ATIC: variants seen among roughly 807,000 people sequenced by gnomAD.
ATIC encodes 5-aminoimidazole-4-carboxamide ribonucleotide formyltransferase/IMP cyclohydrolase.
In ATIC, 64 loss-of-function variants were observed where a neutral mutation model predicts 72.5. That is an observed-to-expected ratio of 0.88 (90% CI 0.72 to 1.09). ATIC has a LOEUF of 1.09. ATIC is among the 50% of genes least tolerant of loss of function. ATIC has a pLI of 0.00. For synonymous variants in ATIC, 281 were observed against 267.1 expected (o/e 1.05, Z -0.51); for missense variants, 787 against 732.4 (o/e 1.07, Z -0.86).
chr2:215,367,925 C>A, the ATIC span: 1 of 1,614,054 alleles, frequency 6.2e-7, no homozygotes, highest in South Asian at 1.1e-5. Flanking sequence ...CAGTTTAAAG[C>A]CTGATTCAGA....
chr2:215,366,515 A>C, the ATIC span, among the ~76,000 whole-genome samples: 1 of 152,238 alleles, frequency 6.6e-6, no homozygotes, highest in East Asian at 1.9e-4. Flanking sequence ...TCCACATCAA[A>C]TAAGTCTGGT....
intron 6 of ATIC, 76 bp from the exon 7 acceptor site, chr2:215,326,746 T>C (rs2052830925): frequency 1.3e-6 from 2 of 1,561,182 alleles, no homozygotes; most frequent in Middle Eastern, 2.3e-4. Context: ...TGTTGTTTGC[T>C]GTGGACGTAG....
At chr2:215,340,542 C>T (rs76869849) in intron 12 of ATIC, among the ~76,000 whole-genome samples, 3,090 of 152,152 alleles carry the variant, frequency 0.02, 39 homozygotes, top group Non-Finnish European at 0.026. Context: ...AAAACTGTAG[C>T]GATATTTTGA....
At position 215,336,492 on chromosome 2, in the gene ATIC, C is replaced by G. The variant is rs540151215; in HGVS notation, c.1098+368C>G. Reference sequence around the variant, plus strand: ...GTAGTAAGACCATGTCTCTAAAATACTAATAATAGTAACAATATTTAATGG... The same window carrying G: ...GTAGTAAGACCATGTCTCTAAAATAGTAATAATAGTAACAATATTTAATGG... On this transcript the variant is annotated intron_variant, in intron 11 of 15. Coordinates refer to ENST00000236959, the MANE Select transcript of ATIC (RefSeq NM_004044.7). 1.6e-4 allele frequency among the ~76,000 whole-genome samples: 24 copies of G among 152,292 alleles called. No homozygotes were observed. The East Asian group carries it at 4.4e-3, about 28-fold the overall frequency.
At chr2:215,344,906 G>A in intron 13 of ATIC, 35 bp downstream of exon 13, 1 of 1,577,242 alleles carries the variant, frequency 6.3e-7, no homozygotes, top group Non-Finnish European at 8.7e-7. Context: ...TCGGGGGACT[G>A]TTGTTTTACG....
chr2:215,326,769 T>C, intron 6 of ATIC, 53 bp from the exon 7 acceptor site: 1 of 1,609,412 alleles, frequency 6.2e-7, no homozygotes, highest in South Asian at 1.1e-5. Context: ...AACCATCTTG[T>C]CCCCACTTTG....
At chr2:215,332,232 TATC>T in intron 7 of ATIC, 147 bp from the exon 8 acceptor site, 2 of 1,173,306 alleles carry the variant, frequency 1.7e-6, no homozygotes, top group Non-Finnish European at 2.4e-6. Flanking sequence ...CTTTGTTCTT[TATC>T]ATCAAGATTT....
At position 215,319,685 on chromosome 2, in the gene ATIC, C is replaced by G; in HGVS notation, c.244C>G (p.Pro82Ala). Residue 82 changes from proline (P) to alanine (A), a missense_variant, in exon 4 of 16, where the codon CCA (proline) becomes GCA (alanine). By Grantham distance (27) the Pro-to-Ala change is conservative (BLOSUM62 -1). Coordinates refer to ENST00000236959, the MANE Select transcript of ATIC (RefSeq NM_004044.7). The stretch of plus-strand genomic sequence containing the variant: ...ATTAGGAATCCTAGCTCGTAATATT[C>G]CAGAAGATAATGCTGACATGGCCAG... ...VHAGILARNIPEDNADMARLD... is the reference protein window; with the variant it reads ...VHAGILARNIAEDNADMARLD... 6.2e-7 allele frequency: 1 copy of G among 1,611,206 alleles called. No individual in the cohort carries two copies.
chr2:215,325,305 G>A lies in ATIC; in HGVS notation c.355G>A (p.Glu119Lys), dbSNP rs757608964. 8 of 1,613,550 alleles carry A rather than the reference G, an allele frequency of 5.0e-6. No homozygotes were observed. The East Asian group carries it at 1.6e-4, about 31-fold the overall frequency. ...TVASPGVTVEEAVEQIDIGGV... is the reference protein window; with the variant it reads ...TVASPGVTVEKAVEQIDIGGV... Reference sequence around the variant, plus strand: ...GGCTTCTCCAGGTGTAACTGTTGAGGAGGCTGTGGAGCAAATTGACATTGG... The same window carrying A: ...GGCTTCTCCAGGTGTAACTGTTGAGAAGGCTGTGGAGCAAATTGACATTGG... The change falls in exon 5 of 16, where the codon GAG becomes AAG. Residue 119 changes from glutamate (E) to lysine (K), a missense_variant. By Grantham distance (56) the Glu-to-Lys change is moderately conservative (BLOSUM62 1). Coordinates refer to ENST00000236959, the MANE Select transcript of ATIC (RefSeq NM_004044.7).
the ATIC span, chr2:215,363,323 C>T: frequency 6.6e-6 from 1 of 152,264 alleles, no homozygotes; most frequent in Non-Finnish European, 1.5e-5. Flanking sequence ...CAATTTCATA[C>T]CAGAATGACT....
chr2:215,346,577 T>C (rs1345937539), intron 13 of ATIC, among the ~76,000 whole-genome samples, 182 bp from the exon 14 acceptor site: 1 of 152,164 alleles, frequency 6.6e-6, no homozygotes, highest in African/African-American at 2.4e-5. Flanking sequence ...ATAGTAGTTA[T>C]AAACAAACCT....
chr2:215,335,827 T>G (rs1030916178), intron 10 of ATIC, among the ~76,000 whole-genome samples: 6 of 152,192 alleles, frequency 3.9e-5, no homozygotes, highest in Admixed American at 3.3e-4. Flanking sequence ...GAACAAAAAC[T>G]TGGAGAGGAC....
At chr2:215,343,556 G>T (rs2053042128) in intron 12 of ATIC, among the ~76,000 whole-genome samples, 3 of 152,174 alleles carry the variant, frequency 2.0e-5, no homozygotes, top group African/African-American at 7.2e-5. Flanking sequence ...GGCTGGCCTG[G>T]AACTTCTGAC....
the ATIC span, chr2:215,361,852 T>A: frequency 1.4e-6 from 2 of 1,398,296 alleles, no homozygotes; most frequent in African/African-American, 2.9e-5. Flanking sequence ...CTTAAGTCAT[T>A]TATGAGTTGT....
At chr2:215,329,909 G>A (rs1208668175) in intron 7 of ATIC, among the ~76,000 whole-genome samples, 1 of 138,410 alleles carries the variant, frequency 7.2e-6, no homozygotes, top group Non-Finnish European at 1.7e-5. Flanking sequence ...TTACAGGCAT[G>A]TACCACCAGG....
intron 2 of ATIC, among the ~76,000 whole-genome samples, chr2:215,313,501 A>G (rs1015271625): frequency 2.0e-5 from 3 of 152,178 alleles, no homozygotes; most frequent in African/African-American, 4.8e-5. Flanking sequence ...TGAAAGGTAG[A>G]AAAATGAAAA....
the ATIC span, chr2:215,362,974 CT>C: frequency 6.6e-6 from 1 of 152,182 alleles, no homozygotes; most frequent in African/African-American, 2.4e-5. Flanking sequence ...GCCATTTTTG[CT>C]TGAGTTGGAC....
At chr2:215,336,967 A>G (rs1246830689) in intron 11 of ATIC, among the ~76,000 whole-genome samples, 1 of 152,186 alleles carries the variant, frequency 6.6e-6, no homozygotes, top group Non-Finnish European at 1.5e-5. Flanking sequence ...TGGCATCTCA[A>G]TGTAGTTTTA....
At chr2:215,337,425 G>A (rs2052968336) in intron 11 of ATIC, among the ~76,000 whole-genome samples, 1 of 152,104 alleles carries the variant, frequency 6.6e-6, no homozygotes, top group Non-Finnish European at 1.5e-5. Context: ...AGAGTGCAGT[G>A]GTGTGATCTT....
Sources: gnomAD v4.1 joint callset for allele counts (sites outside exome capture counted in the v4.1 genomes callset) on GRCh38, gnomAD v4.1.1 for gene constraint, MANE v1.5 for transcripts, NCBI Gene and HGNC (gene_info 2026-07-23, HGNC 2026-07-21) for gene names.